Variants in NEGR1 observed in about 807,000 individuals in gnomAD.
NEGR1 encodes the protein neuronal growth regulator 1.
Under a neutral mutation model 40.9 loss-of-function variants are expected in NEGR1, and 10 were observed. That is an observed-to-expected ratio of 0.24 (90% CI 0.15 to 0.42). The LOEUF is 0.42. NEGR1 is among the 10% of genes least tolerant of loss of function. The pLI, the probability that NEGR1 is intolerant of heterozygous loss-of-function variation, is 1.00. For missense variants in NEGR1, 352 were observed against 438.9 expected (o/e 0.80, Z 1.77); for synonymous variants, 185 against 166.8 (o/e 1.11, Z -0.84).
At chr1:71,981,354 C>T (rs184723324) in intron 1 of NEGR1, among the ~76,000 whole-genome samples, 11 of 152,196 alleles carry the variant, frequency 7.2e-5, no homozygotes, top group Admixed American at 7.2e-4. Context: ...AGGTCTTACA[C>T]GAGGCCATCA....
At chr1:72,140,631 A>T (rs1650637296) in intron 1 of NEGR1, among the ~76,000 whole-genome samples, 1 of 152,052 alleles carries the variant, frequency 6.6e-6, no homozygotes, top group African/African-American at 2.4e-5. Flanking sequence ...AACCATGCAA[A>T]GTAGTATGAG....
chr1:71,927,208 C>T (rs1645782600), intron 2 of NEGR1, among the ~76,000 whole-genome samples: 1 of 152,018 alleles, frequency 6.6e-6, no homozygotes, highest in Non-Finnish European at 1.5e-5. Flanking sequence ...GCAATTCTAG[C>T]CAGAAGGGAT....
chr1:71,674,906 C>A (rs1038324497), intron 4 of NEGR1, among the ~76,000 whole-genome samples: 4 of 151,404 alleles, frequency 2.6e-5, no homozygotes, highest in Admixed American at 6.6e-5. Context: ...TGTATGTTTT[C>A]ATCCAACAGA....
At position 72,135,996 on chromosome 1, in the gene NEGR1, A is replaced by C. The variant is rs1650449379; in HGVS notation, c.176+146323T>G. Reference sequence around the variant, plus strand: ...CCCAACAGACTTTAAAAGATGGTAAATGATGAAACAATTTCCAAGTAACTA... The same window carrying C: ...CCCAACAGACTTTAAAAGATGGTAACTGATGAAACAATTTCCAAGTAACTA... On this transcript the variant is annotated intron_variant, in intron 1 of 6. Transcript: ENST00000357731. Among the ~76,000 whole-genome samples the C allele has an allele frequency of 2.6e-5, 4 of 152,190 alleles. No homozygotes were observed. In the South Asian group the frequency reaches 8.3e-4, roughly 31 times the overall value.
intron 4 of NEGR1, among the ~76,000 whole-genome samples, chr1:71,678,337 A>T (rs1652713877): frequency 6.6e-6 from 1 of 152,202 alleles, no homozygotes; most frequent in Non-Finnish European, 1.5e-5. Context: ...TTTTCTCTTT[A>T]CTACTTTACA....
At chr1:71,708,963 T>C (rs1180407715) in intron 3 of NEGR1, among the ~76,000 whole-genome samples, 1 of 152,224 alleles carries the variant, frequency 6.6e-6, no homozygotes, top group African/African-American at 2.4e-5. Context: ...GGTGTATATG[T>C]GTCATATTTT....
At chr1:72,177,819 T>A (rs1237345932) in intron 1 of NEGR1, among the ~76,000 whole-genome samples, 3 of 151,380 alleles carry the variant, frequency 2.0e-5, no homozygotes, top group Non-Finnish European at 4.4e-5. Context: ...TTCAATACAC[T>A]CACAGGTTAT....
Position 71,910,769 on chromosome 1 carries a change from C to T in NEGR1, c.409+24310G>A, listed in dbSNP as rs116697378. Among the ~76,000 whole-genome samples the T allele has an allele frequency of 8.7e-3, 1,321 of 152,214 alleles. 19 individuals are homozygous for T. Among genetic ancestry groups the T allele is most frequent in the African/African-American group, 0.03 (1,266 of 41,524 alleles). On this transcript the variant is annotated intron_variant, in intron 2 of 6. Coordinates refer to ENST00000357731, the MANE Select transcript of NEGR1 (RefSeq NM_173808.3). ...CTGGAGTGCAGCGGGACAATCTTGGCACACTGCAGCCTCGGCTTCGCAGGC... is the reference window on the plus strand; with the variant it reads ...CTGGAGTGCAGCGGGACAATCTTGGTACACTGCAGCCTCGGCTTCGCAGGC...
intron 1 of NEGR1, among the ~76,000 whole-genome samples, chr1:72,126,393 A>G (rs1386461979): frequency 6.6e-6 from 1 of 152,104 alleles, no homozygotes; most frequent in Non-Finnish European, 1.5e-5. Flanking sequence ...GATACGTATT[A>G]TTTATTTCTG....
rs1646882007 is a variant in NEGR1, at chr1:72,034,057, G to A, written c.177-98746C>T. ...GTTACTGCAGGTATTTCAGGAAGGT[G>A]AAACAGGATCTGACTGTTTTCTTGT... On this transcript the variant is annotated intron_variant, in intron 1 of 6. Transcript: ENST00000357731. Among the ~76,000 whole-genome samples, 3 of 152,216 alleles carry A rather than the reference G, an allele frequency of 2.0e-5. No homozygotes were observed. The South Asian group carries it at 6.2e-4, about 31-fold the overall frequency.
At chr1:71,511,619 T>C (rs1001097634) in intron 6 of NEGR1, among the ~76,000 whole-genome samples, 4 of 152,240 alleles carry the variant, frequency 2.6e-5, no homozygotes, top group Admixed American at 2.6e-4. Flanking sequence ...ATTGATTCTA[T>C]GTAGATCAAT....
intron 1 of NEGR1, among the ~76,000 whole-genome samples, chr1:72,205,235 C>A (rs1380302867): frequency 6.6e-6 from 1 of 152,010 alleles, no homozygotes; most frequent in Non-Finnish European, 1.5e-5. Context: ...CTTCCTGTTA[C>A]TCCTCCATTC....
chr1:72,016,970 G>T (rs1424493611), intron 1 of NEGR1, among the ~76,000 whole-genome samples: 1 of 152,084 alleles, frequency 6.6e-6, no homozygotes, highest in Non-Finnish European at 1.5e-5. Context: ...TTTGGTTTTA[G>T]ATATTTATAA....
At chr1:71,810,613 T>C (rs146860774) in intron 2 of NEGR1, among the ~76,000 whole-genome samples, 2 of 152,234 alleles carry the variant, frequency 1.3e-5, no homozygotes, top group East Asian at 3.9e-4. Context: ...CGAATTATAA[T>C]CCCCAGTGTT....
intron 2 of NEGR1, among the ~76,000 whole-genome samples, chr1:71,807,331 C>A (rs2101756697): frequency 1.3e-5 from 2 of 152,148 alleles, no homozygotes; most frequent in Middle Eastern, 6.8e-3. Flanking sequence ...AAACTTCAAA[C>A]ATTTATGGAC....
intron 6 of NEGR1, among the ~76,000 whole-genome samples, chr1:71,579,021 C>T (rs920898684): frequency 3.3e-5 from 5 of 152,134 alleles, no homozygotes; most frequent in Admixed American, 6.5e-5. Context: ...ACACAGCTTA[C>T]GAACCAAAGC....
chr1:72,035,908 T>C (rs1357795902), intron 1 of NEGR1, among the ~76,000 whole-genome samples: 1 of 152,172 alleles, frequency 6.6e-6, no homozygotes, highest in African/African-American at 2.4e-5. Context: ...CATTTCATAT[T>C]TCCCCTTTCA....
chr1:71,522,727 C>A (rs891382681), intron 6 of NEGR1, among the ~76,000 whole-genome samples: 6 of 83,410 alleles, frequency 7.2e-5, no homozygotes, highest in Non-Finnish European at 1.5e-4. Flanking sequence ...TCTACCCCCC[C>A]CTTACACACA....
At chr1:72,140,224 T>TTTG (rs59526560) in intron 1 of NEGR1, among the ~76,000 whole-genome samples, 69,560 of 150,474 alleles carry the variant, frequency 0.46, 16,224 homozygotes, top group Non-Finnish European at 0.5. Flanking sequence ...GATAACTGTT[T>TTTG]TTGTTGTTGT....
Sources: allele counts gnomAD v4.1 joint callset (sites outside exome capture counted in the v4.1 genomes callset), GRCh38; gene constraint gnomAD v4.1.1; transcripts MANE v1.5; gene names NCBI Gene and HGNC (gene_info 2026-07-23, HGNC 2026-07-21).